Variants in BMPR1B observed in about 807,000 individuals in gnomAD.
BMPR1B encodes the protein bone morphogenetic protein receptor type-1B.
BMPR1B carries 12 observed loss-of-function variants against 59.1 expected under a neutral mutation model. The observed-to-expected ratio is 0.20, with a 90% CI of 0.13 to 0.33. The LOEUF is 0.33. BMPR1B is among the 10% of genes least tolerant of loss of function. The pLI is 1.00. For missense variants in BMPR1B, 550 were observed against 610.9 expected, an observed-to-expected ratio of 0.90 and a Z score of 1.05; for synonymous variants, 237 against 207.3, an observed-to-expected ratio of 1.14 and a Z score of -1.23.
At chr4:95,066,741 A>G (rs969264984) in intron 3 of BMPR1B, among the ~76,000 whole-genome samples, 1 of 152,200 alleles carries the variant, frequency 6.6e-6, no homozygotes, top group African/African-American at 2.4e-5. Context: ...GGTCTCAACT[A>G]AAATCCACTG....
intron 1 of BMPR1B, among the ~76,000 whole-genome samples, chr4:94,815,522 C>T (rs1479208350): frequency 1.3e-5 from 2 of 152,102 alleles, no homozygotes; most frequent in East Asian, 3.9e-4. Context: ...CACAACGTGC[C>T]ACATACGTTC....
At chr4:94,885,121 C>T (rs1269731271) in intron 2 of BMPR1B, among the ~76,000 whole-genome samples, 3 of 152,192 alleles carry the variant, frequency 2.0e-5, no homozygotes, top group Non-Finnish European at 4.4e-5. Context: ...AGCCACCTAC[C>T]TAACTTGTAC....
intron 2 of BMPR1B, among the ~76,000 whole-genome samples, chr4:94,910,611 A>G (rs948983345): frequency 1.3e-5 from 2 of 152,074 alleles, no homozygotes; most frequent in African/African-American, 4.8e-5. Context: ...TTAAACTACA[A>G]TATTAAAAAT....
intron 4 of BMPR1B, among the ~76,000 whole-genome samples, chr4:95,107,802 A>G (rs1731298448): frequency 6.6e-6 from 1 of 152,120 alleles, no homozygotes. Context: ...AGGAGCAAAC[A>G]TTCACTCTTG....
intron 3 of BMPR1B, among the ~76,000 whole-genome samples, chr4:95,079,915 T>C (rs750236789): frequency 1.3e-5 from 2 of 152,206 alleles, no homozygotes; most frequent in African/African-American, 2.4e-5. Context: ...GTGAACTTTC[T>C]GTATATGCTT....
At chr4:94,967,081 A>C (rs114312915) in intron 2 of BMPR1B, among the ~76,000 whole-genome samples, 6,488 of 152,224 alleles carry the variant, frequency 0.043, 344 homozygotes, top group African/African-American at 0.12. Flanking sequence ...GGAGATAGGA[A>C]TTTATGACAA....
intron 3 of BMPR1B, among the ~76,000 whole-genome samples, chr4:95,096,864 CTATAGT>C (rs939359265): frequency 1.5e-5 from 2 of 135,318 alleles, no homozygotes; most frequent in African/African-American, 5.5e-5. Flanking sequence ...AAATATATAA[CTATAGT>C]TATATATATA....
intron 3 of BMPR1B, among the ~76,000 whole-genome samples, chr4:95,070,265 C>T (rs1353948408): frequency 6.6e-6 from 1 of 152,046 alleles, no homozygotes; most frequent in Non-Finnish European, 1.5e-5. Context: ...ATCTTCTTAA[C>T]GTCATCAATG....
At chr4:95,039,424 T>C (rs75516188) in intron 3 of BMPR1B, among the ~76,000 whole-genome samples, 9 of 146,756 alleles carry the variant, frequency 6.1e-5, no homozygotes, top group South Asian at 2.1e-4. Context: ...ACTTCTTCTT[T>C]TTTTTTTTTT....
intron 3 of BMPR1B, among the ~76,000 whole-genome samples, chr4:95,002,051 C>G (rs1441163426): frequency 1.3e-5 from 2 of 152,082 alleles, no homozygotes; most frequent in Non-Finnish European, 2.9e-5. Flanking sequence ...TTGCATGATG[C>G]TGAGGTTTGG....
chr4:94,995,126 T>G (rs1721979563), intron 2 of BMPR1B, among the ~76,000 whole-genome samples: 1 of 152,182 alleles, frequency 6.6e-6, no homozygotes, highest in Non-Finnish European at 1.5e-5. Flanking sequence ...TTATAGGTGG[T>G]ATATGGAGAT....
intron 2 of BMPR1B, among the ~76,000 whole-genome samples, chr4:94,947,042 A>AC (rs1344189085): frequency 6.6e-6 from 1 of 152,112 alleles, no homozygotes; most frequent in African/African-American, 2.4e-5. Context: ...ACAGAGTGAG[A>AC]CCCCGTCTCA....
At chr4:94,866,982 C>A (rs940705289) in intron 1 of BMPR1B, among the ~76,000 whole-genome samples, 2 of 152,150 alleles carry the variant, frequency 1.3e-5, no homozygotes, top group African/African-American at 4.8e-5. Flanking sequence ...TGTTTTAGGC[C>A]CTGGCCTATC....
At chr4:94,804,331 C>G (rs1723525105) in intron 1 of BMPR1B, among the ~76,000 whole-genome samples, 1 of 152,072 alleles carries the variant, frequency 6.6e-6, no homozygotes, top group Non-Finnish European at 1.5e-5. Flanking sequence ...ATATCTGCCT[C>G]TTGGGGAATC....
chr4:95,122,335 CAAA>C (rs34062951), intron 6 of BMPR1B, among the ~76,000 whole-genome samples: 2 of 126,954 alleles, frequency 1.6e-5, no homozygotes, highest in Non-Finnish European at 1.7e-5. Flanking sequence ...GATCCTGTAT[CAAA>C]AAAAAAAAAA....
At chr4:94,958,499 C>G (rs1262826593) in intron 2 of BMPR1B, among the ~76,000 whole-genome samples, 2 of 152,156 alleles carry the variant, frequency 1.3e-5, no homozygotes, top group Non-Finnish European at 2.9e-5. Flanking sequence ...TCCTTCTCAT[C>G]ATTGTCCCTC....
At chr4:94,934,568 A>G (rs1008073662) in intron 2 of BMPR1B, among the ~76,000 whole-genome samples, 6 of 151,236 alleles carry the variant, frequency 4.0e-5, no homozygotes, top group Non-Finnish European at 8.8e-5. Flanking sequence ...CATCAGTGCC[A>G]GGATACGACT....
chr4:94,809,199 TGAG>T (rs1169006139), intron 1 of BMPR1B, among the ~76,000 whole-genome samples: 4 of 152,184 alleles, frequency 2.6e-5, no homozygotes, highest in African/African-American at 7.2e-5. Flanking sequence ...TGTAGGCACA[TGAG>T]GAGGGCATGA....
chr4:95,060,504 T>C (rs1459045570), intron 3 of BMPR1B, among the ~76,000 whole-genome samples: 1 of 152,186 alleles, frequency 6.6e-6, no homozygotes, highest in Non-Finnish European at 1.5e-5. Flanking sequence ...AATCTTAATT[T>C]AGTATGAACA....
Sources: allele counts gnomAD v4.1 joint callset (sites outside exome capture counted in the v4.1 genomes callset), GRCh38; gene constraint gnomAD v4.1.1; transcripts MANE v1.5; gene names NCBI Gene and HGNC (gene_info 2026-07-23, HGNC 2026-07-21).